BEAN1: variants seen among roughly 807,000 people sequenced by gnomAD.
BEAN1 encodes the protein protein BEAN1.
BEAN1 carries 17 observed loss-of-function variants against 17.7 expected under a neutral mutation model. The ratio of observed to expected loss-of-function variants is 0.96; its 90% confidence interval spans 0.66 to 1.44. BEAN1 has a LOEUF of 1.44. Among genes scored for constraint, BEAN1 ranks in the 40% most tolerant of loss-of-function variants. The pLI, the probability that BEAN1 is intolerant of heterozygous loss-of-function variation, is 0.00. For missense variants in BEAN1, 359 were observed against 374.1 expected (o/e 0.96, Z 0.33); for synonymous variants, 142 against 151.8 (o/e 0.94, Z 0.47).
intron 1 of BEAN1, among the ~76,000 whole-genome samples, chr16:66,437,105 T>C (rs1962056209): frequency 7.2e-6 from 1 of 138,976 alleles, no homozygotes; most frequent in South Asian, 2.2e-4. Flanking sequence ...TATGTTGGGG[T>C]AATAATAATA....
chr16:66,494,357 T>A (rs995973111), downstream of BEAN1, among the ~76,000 whole-genome samples: 1 of 152,118 alleles, frequency 6.6e-6, no homozygotes, highest in African/African-American at 2.4e-5. Flanking sequence ...GGCAACTCAC[T>A]CCACCTCTAT....
intron 2 of BEAN1, among the ~76,000 whole-genome samples, chr16:66,468,996 GA>G (rs1343456765): frequency 6.6e-6 from 1 of 152,040 alleles, no homozygotes; most frequent in African/African-American, 2.4e-5. Context: ...GTCCCTCCTG[GA>G]ATGCCTCTCC....
rs1357265669 is a variant in BEAN1, at chr16:66,469,692, C to T, written c.116C>T (p.Ala39Val). The T allele has an allele frequency of 9.8e-6, 15 of 1,535,964 alleles. No individual in the cohort carries two copies. The highest frequency in any genetic ancestry group is 3.9e-5 in the Admixed American group (2 of 50,968). The change falls in exon 3 of 5, where the codon GCG becomes GTG. Residue 39 changes from alanine (A) to valine (V), a missense_variant. By Grantham distance (64) the Ala-to-Val change is moderately conservative. Coordinates refer to ENST00000536005, the MANE Select transcript of BEAN1 (RefSeq NM_001178020.3). ...CTGCTCGTGTCCCCCGTGCTGGTGG[C>T]GAGTGCCGTCATAGGTGTGGTCATC... The part of the protein sequence containing the change: ...SHLLVSPVLV[A>V]SAVIGVVIIL...
In BEAN1 at chr16:66,473,381, A is replaced by G. The variant is rs1449870101; in HGVS notation, c.289+3516A>G. ...CCCTGCCCCACTTCTGCACTCGGCTACAGCTTTGACACCTCCTGGGGCCTC... is the reference window on the plus strand; with the variant it reads ...CCCTGCCCCACTTCTGCACTCGGCTGCAGCTTTGACACCTCCTGGGGCCTC... On this transcript the variant is annotated intron_variant, in intron 3 of 4. Transcript: ENST00000536005. This position sits in a 1 kb window ranked among gnomAD's most constrained non-coding sequence, Gnocchi z 4.5. 6.6e-6 allele frequency among the ~76,000 whole-genome samples: 1 copy of G among 152,172 alleles called. No individual in the cohort carries two copies. Among genetic ancestry groups the G allele is most frequent in the Non-Finnish European group, 1.5e-5 (1 of 68,036 alleles).
intron 3 of BEAN1, among the ~76,000 whole-genome samples, chr16:66,472,802 T>C (rs1963533170): frequency 6.6e-6 from 1 of 151,698 alleles, no homozygotes; most frequent in Admixed American, 6.6e-5. Context: ...GGAGGATCAC[T>C]TCAGACCAGG....
chr16:66,442,160 C>T (rs7192239), intron 2 of BEAN1, among the ~76,000 whole-genome samples: 7,254 of 152,274 alleles, frequency 0.048, 561 homozygotes, highest in African/African-American at 0.16. Flanking sequence ...CTTCAGAGGA[C>T]CTGCCTCAAG....
chr16:66,437,344 G>A (rs372113972), intron 1 of BEAN1, among the ~76,000 whole-genome samples: 2 of 151,796 alleles, frequency 1.3e-5, no homozygotes, highest in African/African-American at 4.8e-5. Context: ...ATCCACCCAA[G>A]AGAGATATCT....
chr16:66,483,100 A>G, downstream of BEAN1: 1 of 336,442 alleles, frequency 3.0e-6, no homozygotes, highest in Admixed American at 4.3e-5. Flanking sequence ...GTCTCAAGCG[A>G]TCCTCTCACC....
Position 66,471,534 on chromosome 16 carries a change from C to T in BEAN1, c.289+1669C>T, listed in dbSNP as rs1263839131. On this transcript the variant is annotated intron_variant, in intron 3 of 4. Coordinates refer to ENST00000536005, the MANE Select transcript of BEAN1 (RefSeq NM_001178020.3). This position sits in a 1 kb window ranked among gnomAD's most constrained non-coding sequence, Gnocchi z 4.7. The stretch of plus-strand genomic sequence containing the variant: ...ACGTACATGGCCACAGTGGGTGTCA[C>T]TCAGACCTGGATGTTGCTCCCCTGG... Among the ~76,000 whole-genome samples, 8 of 152,224 alleles carry T rather than the reference C, an allele frequency of 5.3e-5. No homozygotes were observed. The highest frequency in any genetic ancestry group is 3.9e-4 in the Admixed American group (6 of 15,282).
At chr16:66,487,786 C>T (rs1051648673), downstream of BEAN1, among the ~76,000 whole-genome samples, 2 of 152,130 alleles carry the variant, frequency 1.3e-5, no homozygotes, top group African/African-American at 2.4e-5. Context: ...ACCCCCATGC[C>T]CCATCAGCCC....
chr16:66,458,178 C>T (rs1275189957), intron 2 of BEAN1, among the ~76,000 whole-genome samples: 2 of 152,208 alleles, frequency 1.3e-5, no homozygotes, highest in East Asian at 1.9e-4. Flanking sequence ...AGCACTTTTG[C>T]GTCTCTGTTC....
At position 66,469,800 on chromosome 16, in the gene BEAN1, A is replaced by C. The variant is rs2142432706; in HGVS notation, c.224A>C (p.His75Pro). Residue 75 changes from histidine (H) to proline (P), a missense_variant, in exon 3 of 5, where the codon CAC becomes CCC. Coordinates refer to ENST00000536005, the MANE Select transcript of BEAN1 (RefSeq NM_001178020.3). Reference sequence around the variant, plus strand: ...CTTCAGCGGCACCGCCACCGCCACCACCGCCACCACCACCACCATCATCAC... The same window carrying C: ...CTTCAGCGGCACCGCCACCGCCACCCCCGCCACCACCACCACCATCATCAC... ...ARLQRHRHRHHRHHHHHHHHR... is the reference protein window; with the variant it reads ...ARLQRHRHRHPRHHHHHHHHR... 6.5e-7 allele frequency: 1 copy of C among 1,530,906 alleles called. No individual in the cohort carries two copies. The highest frequency in any genetic ancestry group is 8.7e-7 in the Non-Finnish European group (1 of 1,143,156). The allele number at this position is 1,530,906 out of a possible 1,614,324, so 94.8% of individuals were successfully genotyped here. A position where few individuals can be genotyped will look rare whatever the true frequency, so the allele number is the denominator to read the frequency against.
At chr16:66,456,550 G>A (rs1436173309) in intron 2 of BEAN1, among the ~76,000 whole-genome samples, 1 of 152,216 alleles carries the variant, frequency 6.6e-6, no homozygotes, top group Non-Finnish European at 1.5e-5. Context: ...GGTGATGGAA[G>A]AGAAGAGAAT....
intron 2 of BEAN1, among the ~76,000 whole-genome samples, chr16:66,441,021 T>C (rs776952483): frequency 6.6e-6 from 1 of 152,138 alleles, no homozygotes; most frequent in Non-Finnish European, 1.5e-5. Context: ...GGCCCCCACT[T>C]CAGATCAATC....
chr16:66,451,625 T>C (rs750535563), intron 2 of BEAN1, among the ~76,000 whole-genome samples: 1 of 152,252 alleles, frequency 6.6e-6, no homozygotes, highest in African/African-American at 2.4e-5. Context: ...TGTCATGTAT[T>C]GGGCACCTAT....
chr16:66,427,588 G>T lies in BEAN1; in HGVS notation c.-83+157G>T, dbSNP rs1309441169. On this transcript the variant is annotated intron_variant, in intron 1 of 4. Transcript: ENST00000536005. This position sits in a 1 kb window ranked among gnomAD's most constrained non-coding sequence, Gnocchi z 4.7. ...GGCGGGCGGATGCGCGGTCCGGAAC[G>T]GAACCGCAGCGCGCTCGGAACGGAG... Among the ~76,000 whole-genome samples, 1 of 151,934 alleles carries T rather than the reference G, an allele frequency of 6.6e-6. No individual in the cohort carries two copies. The highest frequency in any genetic ancestry group is 1.5e-5 in the Non-Finnish European group (1 of 67,934).
At chr16:66,430,766 G>T (rs1961765787) in intron 1 of BEAN1, among the ~76,000 whole-genome samples, 1 of 152,006 alleles carries the variant, frequency 6.6e-6, no homozygotes, top group Non-Finnish European at 1.5e-5. Context: ...TTTGTCTATT[G>T]TATGCCCACG....
At chr16:66,487,875 A>G (rs1423110650) in intron 4 of BEAN1, among the ~76,000 whole-genome samples, 1 of 152,182 alleles carries the variant, frequency 6.6e-6, no homozygotes, top group Admixed American at 6.5e-5. Context: ...AAAGTCAGTC[A>G]CACTGACGGG....
At chr16:66,492,830 C>CCCT (rs1481250343) in intron 4 of BEAN1, 1 of 606,896 alleles carries the variant, frequency 1.6e-6, no homozygotes, top group Non-Finnish European at 2.9e-6. Flanking sequence ...TGGCCAAATG[C>CCCT]CCTCATCCAC....
Sources: allele counts gnomAD v4.1 joint callset (sites outside exome capture counted in the v4.1 genomes callset), GRCh38; gene constraint gnomAD v4.1.1; non-coding constraint Gnocchi (gnomAD v3.1); transcripts MANE v1.5; gene names NCBI Gene and HGNC (gene_info 2026-07-23, HGNC 2026-07-21).